The following SYT16 variants were observed in gnomAD, a reference collection of about 807,000 sequenced individuals.
The protein encoded by SYT16 is synaptotagmin-16.
A neutral mutation model predicts 61.4 loss-of-function variants in SYT16; 42 were observed. The observed-to-expected ratio is 0.68, with a 90% CI of 0.53 to 0.89. The LOEUF (loss-of-function observed/expected upper bound fraction) is 0.89, where lower values mean the gene tolerates loss of function less well. SYT16 is among the 40% of genes least tolerant of loss of function. The pLI is 0.00. For synonymous variants in SYT16, 314 were observed against 302.3 expected (o/e 1.04, Z -0.40); for missense variants, 804 against 807.3 (o/e 1.00, Z 0.05).
intron 3 of SYT16, among the ~76,000 whole-genome samples, chr14:61,999,853 A>C (rs1370712980): frequency 6.6e-6 from 1 of 151,708 alleles, no homozygotes; most frequent in Non-Finnish European, 1.5e-5. Flanking sequence ...AAATATTGGG[A>C]ATATTCTATA....
chr14:62,056,889 C>G (rs549584005), intron 3 of SYT16, among the ~76,000 whole-genome samples: 1 of 152,290 alleles, frequency 6.6e-6, no homozygotes, highest in East Asian at 1.9e-4. Context: ...TCTGGACGAG[C>G]GCGGCGCCCA....
At chr14:62,081,596 CA>C (rs1449109450) in intron 6 of SYT16, among the ~76,000 whole-genome samples, 1 of 152,196 alleles carries the variant, frequency 6.6e-6, no homozygotes, top group Non-Finnish European at 1.5e-5. Flanking sequence ...CTCCTGCCCC[CA>C]ATCTGCATCA....
chr14:62,000,819 T>C (rs2052984480), intron 3 of SYT16, among the ~76,000 whole-genome samples: 1 of 152,124 alleles, frequency 6.6e-6, no homozygotes, highest in Non-Finnish European at 1.5e-5. Flanking sequence ...AACAGTATAC[T>C]CAATTCTTCC....
chr14:61,843,955 T>C (rs1359123353), intron 1 of SYT16, among the ~76,000 whole-genome samples: 1 of 152,218 alleles, frequency 6.6e-6, no homozygotes, highest in African/African-American at 2.4e-5. Context: ...ATTGGTATTT[T>C]GATAGGGATT....
chr14:62,059,675 A>G (rs1294591108), intron 3 of SYT16, among the ~76,000 whole-genome samples: 1 of 143,184 alleles, frequency 7.0e-6, no homozygotes, highest in Non-Finnish European at 1.5e-5. Flanking sequence ...TGATACATAT[A>G]TATAATTTAT....
chr14:61,973,945 A>T (rs1056653021), intron 2 of SYT16, among the ~76,000 whole-genome samples: 10 of 152,140 alleles, frequency 6.6e-5, no homozygotes, highest in Admixed American at 3.9e-4. Flanking sequence ...GCCGGTTGTG[A>T]TAAGAAGGTT....
At chr14:61,820,469 GTTTTTTTTTTTTTTT>G (rs71117856) in intron 1 of SYT16, among the ~76,000 whole-genome samples, 11 of 61,082 alleles carry the variant, frequency 1.8e-4, no homozygotes, top group African/African-American at 4.2e-4. Context: ...CCTCTTCAGA[GTTTTTTTTTTTTTTT>G]TTTTTTTTTT....
chr14:61,949,307 A>G (rs1316830654), intron 1 of SYT16, among the ~76,000 whole-genome samples: 2 of 152,152 alleles, frequency 1.3e-5, no homozygotes, highest in African/African-American at 4.8e-5. Flanking sequence ...AGAATCTCCT[A>G]ACTCACAGCC....
At chr14:62,012,141 A>G (rs1195124386) in intron 3 of SYT16, among the ~76,000 whole-genome samples, 15 of 152,200 alleles carry the variant, frequency 9.9e-5, no homozygotes, top group Admixed American at 9.8e-4. Context: ...CACAGTTTCT[A>G]TGGATTAGGA....
chr14:62,098,734 C>G (rs1014325864), intron 7 of SYT16, among the ~76,000 whole-genome samples: 1 of 152,124 alleles, frequency 6.6e-6, no homozygotes, highest in African/African-American at 2.4e-5. Flanking sequence ...CTCTCTTTAC[C>G]ACTGGAAAAC....
intron 5 of SYT16, among the ~76,000 whole-genome samples, chr14:62,078,800 G>C (rs1343093498): frequency 3.9e-5 from 6 of 152,358 alleles, no homozygotes; most frequent in African/African-American, 1.4e-4. Flanking sequence ...GCGGTCGACA[G>C]AGAGACCAAT....
At chr14:62,064,657 T>G (rs531143730) in intron 3 of SYT16, among the ~76,000 whole-genome samples, 2 of 152,186 alleles carry the variant, frequency 1.3e-5, no homozygotes, top group African/African-American at 4.8e-5. Context: ...ATTAATAACA[T>G]GGACTTCGGA....
intron 1 of SYT16, among the ~76,000 whole-genome samples, chr14:61,960,938 G>A (rs993847525): frequency 1.3e-5 from 2 of 152,140 alleles, no homozygotes; most frequent in Non-Finnish European, 2.9e-5. Flanking sequence ...CAATGGAACA[G>A]AATAGAGAGC....
At chr14:61,851,696 A>G (rs1342799834) in intron 1 of SYT16, among the ~76,000 whole-genome samples, 1 of 152,304 alleles carries the variant, frequency 6.6e-6, no homozygotes, top group East Asian at 1.9e-4. Context: ...TGTTGGTTGC[A>G]TGTATGTCTT....
intron 3 of SYT16, among the ~76,000 whole-genome samples, chr14:62,044,875 C>T (rs1395910668): frequency 1.3e-5 from 2 of 152,266 alleles, no homozygotes; most frequent in South Asian, 2.1e-4. Context: ...TGCAGTGGCT[C>T]ACGCCTGTAA....
intron 1 of SYT16, among the ~76,000 whole-genome samples, chr14:61,869,040 C>A (rs991609649): frequency 2.0e-5 from 3 of 151,938 alleles, no homozygotes; most frequent in Admixed American, 2.0e-4. Context: ...ATGAAATGAT[C>A]CTTTTCTTTG....
intron 5 of SYT16, among the ~76,000 whole-genome samples, chr14:62,079,952 G>A (rs1173281166): frequency 6.6e-6 from 1 of 152,164 alleles, no homozygotes; most frequent in East Asian, 1.9e-4. Flanking sequence ...ATGCAGTCTG[G>A]TCTAAGCCAG....
chr14:61,859,449 A>C (rs1405359969), intron 1 of SYT16, among the ~76,000 whole-genome samples: 6 of 152,100 alleles, frequency 3.9e-5, no homozygotes, highest in Non-Finnish European at 8.8e-5. Flanking sequence ...TACCTAAATC[A>C]GACACCACCT....
chr14:61,881,660 C>T (rs1322964259), intron 1 of SYT16, among the ~76,000 whole-genome samples: 6 of 152,146 alleles, frequency 3.9e-5, no homozygotes, highest in African/African-American at 1.2e-4. Flanking sequence ...TTCACTGTTC[C>T]ATTCCCAGTG....
Sources: gnomAD v4.1 joint callset for allele counts (sites outside exome capture counted in the v4.1 genomes callset) on GRCh38, gnomAD v4.1.1 for gene constraint, MANE v1.5 for transcripts, NCBI Gene and HGNC (gene_info 2026-07-23, HGNC 2026-07-21) for gene names.